The following MOXD1 variants were observed in gnomAD, a reference collection of about 807,000 sequenced individuals.
The protein encoded by MOXD1 is DBH-like monooxygenase protein 1.
Under a neutral mutation model 66.6 loss-of-function variants are expected in MOXD1, and 62 were observed. The observed-to-expected ratio is 0.93, with a 90% CI of 0.76 to 1.15. MOXD1 has a LOEUF of 1.15. Ranked by LOEUF, MOXD1 falls within the 50% of genes most tolerant of loss-of-function variation. The pLI, the probability that MOXD1 is intolerant of heterozygous loss-of-function variation, is 0.00. For synonymous variants in MOXD1, 303 were observed against 281.9 expected (o/e 1.07, Z -0.75); for missense variants, 847 against 754.6 (o/e 1.12, Z -1.44).
intron 1 of MOXD1, among the ~76,000 whole-genome samples, chr6:132,400,228 G>C (rs1216795966): frequency 6.6e-6 from 1 of 152,150 alleles, no homozygotes; most frequent in Admixed American, 6.5e-5. Flanking sequence ...TTAATGCAAT[G>C]CCAGAACAAT....
intron 9 of MOXD1, among the ~76,000 whole-genome samples, chr6:132,318,023 A>G (rs1177234842): frequency 6.6e-6 from 1 of 152,144 alleles, no homozygotes; most frequent in African/African-American, 2.4e-5. Context: ...AAGTTAATAT[A>G]GGCAGCTTTC....
chr6:132,323,174 C>T (rs605507), intron 7 of MOXD1, among the ~76,000 whole-genome samples: 68,666 of 152,020 alleles, frequency 0.45, 18,441 homozygotes, highest in African/African-American at 0.74. Flanking sequence ...CAAAAAGATT[C>T]CAGTATGTTA....
At chr6:132,315,313 G>C (rs1267817636) in intron 10 of MOXD1, among the ~76,000 whole-genome samples, 1 of 152,164 alleles carries the variant, frequency 6.6e-6, no homozygotes. Context: ...CTTGCGCCTG[G>C]TTTCCTCTAG....
At chr6:132,345,806 A>G (rs79479134) in intron 4 of MOXD1, among the ~76,000 whole-genome samples, 101 of 152,250 alleles carry the variant, frequency 6.6e-4, no homozygotes, top group African/African-American at 2.4e-3. Flanking sequence ...TAGAATAACT[A>G]AAGGAGTCTT....
chr6:132,320,637 T>C lies in MOXD1; in HGVS notation c.1357A>G (p.Met453Val), dbSNP rs1775058446. Residue 453 changes from methionine to valine, a missense_variant, in exon 9 of 12, where the codon ATG becomes GTG. Met to Val is a conservative substitution (Grantham distance 21, BLOSUM62 1). Coordinates refer to ENST00000367963, the MANE Select transcript of MOXD1 (RefSeq NM_015529.4). ...CRYNTKDRAE[M>V]TWGGLSTRSE... The stretch of plus-strand genomic sequence containing the variant: ...AATAAAAGTTTTCTTACCCAAGTCA[T>C]CTCAGCTCTATCTTTCGTGTTGTAG... The C allele has an allele frequency of 1.9e-6, 3 of 1,609,706 alleles. No individual in the cohort carries two copies. Among genetic ancestry groups the C allele is most frequent in the Non-Finnish European group, 2.5e-6 (3 of 1,177,800 alleles).
intron 4 of MOXD1, among the ~76,000 whole-genome samples, chr6:132,332,995 A>G (rs1250340806): frequency 2.0e-5 from 3 of 152,098 alleles, no homozygotes; most frequent in Non-Finnish European, 4.4e-5. Flanking sequence ...TTTTTGCATT[A>G]TTATATTACT....
chr6:132,392,133 G>A (rs944151079), intron 1 of MOXD1: 58 of 1,479,026 alleles, frequency 3.9e-5, no homozygotes, highest in Non-Finnish European at 4.9e-5. Flanking sequence ...CCGTTGGCTG[G>A]GGTGTGCTTA....
At chr6:132,303,462 T>C (rs1774587046) in intron 10 of MOXD1, among the ~76,000 whole-genome samples, 1 of 152,068 alleles carries the variant, frequency 6.6e-6, no homozygotes, top group Non-Finnish European at 1.5e-5. Flanking sequence ...TAGTTACATA[T>C]AACTTATGCA....
chr6:132,363,163 G>A (rs1243722384), intron 4 of MOXD1, among the ~76,000 whole-genome samples: 1 of 150,384 alleles, frequency 6.6e-6, no homozygotes, highest in Non-Finnish European at 1.5e-5. Context: ...ATAGTATTTT[G>A]CACTTCCAAA....
intron 4 of MOXD1, among the ~76,000 whole-genome samples, chr6:132,335,829 C>T (rs751969704): frequency 5.3e-5 from 8 of 152,310 alleles, no homozygotes; most frequent in Middle Eastern, 6.8e-3. Flanking sequence ...GTTTGTGACA[C>T]GAACTCATCA....
rs1465342504 is a variant in MOXD1, at chr6:132,349,408, T to TGTATATATATATACACATATATATAC, written c.664-20815_664-20814insGTATATATATGTGTATATATATATAC. Among the ~76,000 whole-genome samples the TGTATATATATATACACATATATATAC allele has an allele frequency of 4.0e-4, 4 of 9,910 alleles. 1 individual carries two copies. Among genetic ancestry groups the TGTATATATATATACACATATATATAC allele is most frequent in the Non-Finnish European group, 6.8e-4 (4 of 5,906 alleles). The allele number at this position is 9,910 out of a possible 152,430, so 6.5% of individuals were successfully genotyped here. A position where few individuals can be genotyped will look rare whatever the true frequency, so the allele number is the denominator to read the frequency against. ...ATATATATATACACATATATATACA[T>TGTATATATATATACACATATATATAC]ATATATATATATACATATATATATA... On this transcript the variant is annotated intron_variant, in intron 4 of 11. Coordinates refer to ENST00000367963, the MANE Select transcript of MOXD1 (RefSeq NM_015529.4).
chr6:132,383,621 A>G (rs1375715172), intron 1 of MOXD1, among the ~76,000 whole-genome samples: 1 of 152,230 alleles, frequency 6.6e-6, no homozygotes, highest in Admixed American at 6.5e-5. Context: ...ATACCTTGCT[A>G]TAATTATAGA....
intron 1 of MOXD1, chr6:132,390,999 G>A (rs1350911744): frequency 6.6e-6 from 1 of 151,418 alleles, no homozygotes; most frequent in African/African-American, 2.4e-5. Context: ...GTAAGCTACA[G>A]TTTGCTTTCA....
intron 10 of MOXD1, among the ~76,000 whole-genome samples, chr6:132,300,378 T>C (rs1774505324): frequency 6.6e-6 from 1 of 152,324 alleles, no homozygotes; most frequent in African/African-American, 2.4e-5. Context: ...AAGCTACAGC[T>C]ATTGATCATT....
At chr6:132,363,183 T>C (rs564369882) in intron 4 of MOXD1, among the ~76,000 whole-genome samples, 55 of 145,102 alleles carry the variant, frequency 3.8e-4, no homozygotes, top group Middle Eastern at 3.5e-3. Context: ...ATTTGTTGAG[T>C]GTAGATCTCA....
intron 1 of MOXD1, chr6:132,390,488 T>A (rs1197182049): frequency 6.6e-6 from 1 of 151,572 alleles, no homozygotes; most frequent in African/African-American, 2.4e-5. Flanking sequence ...GATGTTTCTC[T>A]TGCTTATTTA....
chr6:132,306,218 C>T (rs1774685063), intron 10 of MOXD1, among the ~76,000 whole-genome samples: 1 of 151,890 alleles, frequency 6.6e-6, no homozygotes, highest in Non-Finnish European at 1.5e-5. Context: ...ATGAAGCATA[C>T]ACAAATATCA....
In MOXD1 at chr6:132,349,422, CATATATATAT is replaced by C. The variant is rs1298306384; in HGVS notation, c.664-20838_664-20829del. Among the ~76,000 whole-genome samples the C allele has an allele frequency of 3.5e-4, 13 of 36,928 alleles. No homozygotes were observed. In the East Asian group the frequency reaches 8.4e-3, roughly 24 times the overall value. The allele number at this position is 36,928 out of a possible 152,430, so 24.2% of individuals were successfully genotyped here. On this transcript the variant is annotated intron_variant, in intron 4 of 11. Transcript: ENST00000367963. ...ATATATATACATATATATATATATA[CATATATATAT>C]ATACATATATATATATATACATATA...
chr6:132,339,952 C>T (rs182372406), intron 4 of MOXD1, among the ~76,000 whole-genome samples: 1 of 151,550 alleles, frequency 6.6e-6, no homozygotes, highest in African/African-American at 2.4e-5. Flanking sequence ...TCACTGCAAC[C>T]TTTGCCTCCC....
Sources: gnomAD v4.1 joint callset for allele counts (sites outside exome capture counted in the v4.1 genomes callset) on GRCh38, gnomAD v4.1.1 for gene constraint, MANE v1.5 for transcripts, NCBI Gene and HGNC (gene_info 2026-07-23, HGNC 2026-07-21) for gene names.